PCGF5: variants seen among roughly 807,000 people sequenced by gnomAD.
The protein encoded by PCGF5 is polycomb group ring finger 5.
PCGF5 carries 9 observed loss-of-function variants against 44.3 expected under a neutral mutation model. The observed-to-expected ratio is 0.20, with a 90% confidence interval of 0.12 to 0.35. The LOEUF is 0.35. Ranked by LOEUF, PCGF5 falls within the 10% of genes least tolerant of loss-of-function variation. PCGF5 has a pLI of 1.00. For synonymous variants in PCGF5, 95 were observed against 102.5 expected, an observed-to-expected ratio of 0.93 and a Z score of 0.44; for missense variants, 146 against 305.3, an observed-to-expected ratio of 0.48 and a Z score of 3.89.
At chr10:91,223,989 T>C (rs976268978) in intron 2 of PCGF5, among the ~76,000 whole-genome samples, 4 of 152,294 alleles carry the variant, frequency 2.6e-5, no homozygotes, top group African/African-American at 9.6e-5. Context: ...TTTCAGCTAT[T>C]CTTGCTCTGC....
At chr10:91,257,995 T>C (rs915655958) in intron 6 of PCGF5, among the ~76,000 whole-genome samples, 1 of 152,122 alleles carries the variant, frequency 6.6e-6, no homozygotes, top group Non-Finnish European at 1.5e-5. Context: ...TGATACATGC[T>C]ACAAAATAGA....
chr10:91,222,366 T>G (rs1261775971), intron 1 of PCGF5, among the ~76,000 whole-genome samples: 5 of 152,174 alleles, frequency 3.3e-5, no homozygotes, highest in African/African-American at 1.2e-4. Context: ...TCTTTTAACT[T>G]GTATTGGCAG....
chr10:91,236,702 G>GA (rs1564644272), intron 2 of PCGF5, among the ~76,000 whole-genome samples: 1 of 152,100 alleles, frequency 6.6e-6, no homozygotes, highest in African/African-American at 2.4e-5. Flanking sequence ...GTTTTGTAGT[G>GA]ATGAGAAGTT....
chr10:91,163,414 G>A (rs926953147), intron 1 of PCGF5, among the ~76,000 whole-genome samples: 2 of 151,982 alleles, frequency 1.3e-5, no homozygotes, highest in African/African-American at 4.8e-5. Context: ...CCCGCCGCGG[G>A]AGCAGCGGCT....
At chr10:91,163,089 C>G (rs1020581979) in intron 1 of PCGF5, 1 of 149,534 alleles carries the variant, frequency 6.7e-6, no homozygotes, top group Admixed American at 6.6e-5. Flanking sequence ...AAGGTAAGGG[C>G]GATGCGCGGG....
intron 9 of PCGF5, among the ~76,000 whole-genome samples, chr10:91,273,252 G>A (rs1011749357): frequency 6.6e-6 from 1 of 152,216 alleles, no homozygotes; most frequent in East Asian, 1.9e-4. Context: ...TATCCGAGGT[G>A]TATAGATGTT....
At chr10:91,200,342 T>C (rs1197240913) in intron 1 of PCGF5, among the ~76,000 whole-genome samples, 1 of 152,172 alleles carries the variant, frequency 6.6e-6, no homozygotes, top group East Asian at 1.9e-4. Flanking sequence ...TGCTGATTAT[T>C]AATATCTTCC....
At chr10:91,171,893 G>A in intron 1 of PCGF5, among the ~76,000 whole-genome samples, 1 of 152,138 alleles carries the variant, frequency 6.6e-6, no homozygotes, top group East Asian at 1.9e-4. Context: ...AAATGATTTT[G>A]TATCAGTGTC....
chr10:91,215,845 T>C (rs1844530000), upstream of PCGF5, among the ~76,000 whole-genome samples: 1 of 152,244 alleles, frequency 6.6e-6, no homozygotes, highest in South Asian at 2.1e-4. Flanking sequence ...TAAATTTTGA[T>C]ATATTGCTCC....
At chr10:91,276,218 A>T (rs979080731) in intron 9 of PCGF5, among the ~76,000 whole-genome samples, 3 of 151,432 alleles carry the variant, frequency 2.0e-5, no homozygotes, top group African/African-American at 7.3e-5. Flanking sequence ...TCTTGATACC[A>T]TTCTGTATTT....
chr10:91,276,587 A>C (rs1846318860), intron 9 of PCGF5, among the ~76,000 whole-genome samples: 1 of 152,240 alleles, frequency 6.6e-6, no homozygotes, highest in African/African-American at 2.4e-5. Context: ...CTTATAGAAC[A>C]CACAACAAAT....
At chr10:91,231,977 G>A (rs1196189608) in intron 2 of PCGF5, among the ~76,000 whole-genome samples, 4 of 152,156 alleles carry the variant, frequency 2.6e-5, no homozygotes, top group African/African-American at 9.7e-5. Flanking sequence ...TTGGGAGTTG[G>A]ACTTATGACT....
intron 1 of PCGF5, among the ~76,000 whole-genome samples, chr10:91,176,535 C>T (rs1290498774): frequency 1.3e-5 from 2 of 152,234 alleles, no homozygotes; most frequent in African/African-American, 4.8e-5. Flanking sequence ...CTCCCTATCA[C>T]TTTCAGGTAC....
chr10:91,164,284 A>C (rs1425224981), intron 1 of PCGF5, among the ~76,000 whole-genome samples: 1 of 152,138 alleles, frequency 6.6e-6, no homozygotes, highest in Non-Finnish European at 1.5e-5. Flanking sequence ...GGGGAGACTT[A>C]GTGCAAAAGG....
At chr10:91,242,114 G>A (rs1305711634) in intron 3 of PCGF5, among the ~76,000 whole-genome samples, 3 of 150,640 alleles carry the variant, frequency 2.0e-5, no homozygotes, top group Admixed American at 6.7e-5. Flanking sequence ...TTTTGCCCCC[G>A]GGATACATTT....
intron 1 of PCGF5, among the ~76,000 whole-genome samples, chr10:91,189,336 T>TG (rs1843988380): frequency 6.6e-6 from 1 of 152,152 alleles, no homozygotes; most frequent in South Asian, 2.1e-4. Context: ...CTATCTCCAC[T>TG]AGACAGTGCA....
chr10:91,169,130 C>T (rs772748382), intron 1 of PCGF5, among the ~76,000 whole-genome samples: 4 of 151,938 alleles, frequency 2.6e-5, no homozygotes, highest in Non-Finnish European at 4.4e-5. Context: ...TGCTAGTTCA[C>T]ACCAGTTTAT....
upstream of PCGF5, chr10:91,220,650 C>T (rs1844646407): frequency 6.6e-6 from 1 of 151,268 alleles, no homozygotes; most frequent in South Asian, 2.1e-4. Context: ...GGCCCCGAGG[C>T]CCGCCGCGCC....
intron 2 of PCGF5, among the ~76,000 whole-genome samples, chr10:91,229,946 A>G (rs1220196628): frequency 6.6e-6 from 1 of 152,176 alleles, no homozygotes; most frequent in African/African-American, 2.4e-5. Context: ...CTAGTCATTC[A>G]TTCATGAAAA....
Sources: allele counts gnomAD v4.1 joint callset (sites outside exome capture counted in the v4.1 genomes callset), GRCh38; gene constraint gnomAD v4.1.1; transcripts MANE v1.5; gene names NCBI Gene and HGNC (gene_info 2026-07-23, HGNC 2026-07-21).